The following COL6A3 variants were observed in gnomAD, a reference collection of about 807,000 sequenced individuals.
COL6A3 encodes the protein collagen alpha-3(VI) chain.
Under a neutral mutation model 274.1 loss-of-function variants are expected in COL6A3, and 137 were observed. The ratio of observed to expected loss-of-function variants is 0.50; its 90% CI spans 0.44 to 0.58. The LOEUF is 0.58. Among genes scored for constraint, COL6A3 ranks in the 20% least tolerant of loss-of-function variants. The pLI is 0.00. For synonymous variants in COL6A3, 1,650 were observed against 1,650.6 expected (o/e 1.00, Z 0.01); for missense variants, 3,950 against 4,124.9 (o/e 0.96, Z 1.16).
intron 1 of COL6A3, among the ~76,000 whole-genome samples, chr2:237,410,298 TTC>T (rs965452093): frequency 1.8e-4 from 27 of 148,140 alleles, no homozygotes; most frequent in Non-Finnish European, 1.8e-4. Flanking sequence ...AAAATTTCTT[TTC>T]TTTTTTTTTT....
At position 237,414,094 on chromosome 2, in the gene COL6A3, G is replaced by A. The variant is rs768397871; in HGVS notation, c.-172C>T. 2 of 152,126 alleles carry A rather than the reference G, an allele frequency of 1.3e-5. No homozygotes were observed. The highest frequency in any genetic ancestry group is 2.9e-5 in the Non-Finnish European group (2 of 68,040). The allele number at this position is 152,126 out of a possible 1,614,324, so 9.4% of individuals were successfully genotyped here. A position where few individuals can be genotyped will look rare whatever the true frequency, so the allele number is the denominator to read the frequency against. ...CAAAAAAGTGGAGACTCAGAGCTGC[G>A]GAGGAAAACTCTTGCAGTCCTTGCA... On this transcript the variant is annotated 5_prime_UTR_variant, in exon 1 of 44. Transcript: ENST00000295550.
chr2:237,369,306 A>G, intron 9 of COL6A3, 129 bp from the exon 10 acceptor site: 18 of 1,286,206 alleles, frequency 1.4e-5, no homozygotes, highest in Non-Finnish European at 1.8e-5. Flanking sequence ...TGTTGTTTGT[A>G]TCTCGGGCTT....
chr2:237,340,578 T>C lies in COL6A3; in HGVS notation c.8338A>G (p.Ile2780Val), dbSNP rs2076965381. The C allele has an allele frequency of 6.2e-7, 1 of 1,614,102 alleles. No homozygotes were observed. The highest frequency in any genetic ancestry group is 1.7e-5 in the Admixed American group (1 of 60,010). The change falls in exon 38 of 44, where the codon ATC (isoleucine) becomes GTC (valine). Residue 2780 changes from isoleucine (I) to valine (V), a missense_variant. Ile to Val is a conservative substitution (Grantham distance 29, BLOSUM62 3). This residue lies in a region of COL6A3 where 1,284 missense variants were observed against 1,349.7 expected (regional missense o/e 0.95). Transcript: ENST00000295550. ...CTGGCGAAGGTGTATACCTCCTTGA[T>C]GTTCACCTTCCTGCCAATGCCCAGG... ...VVLGIGRKVN[I>V]KEVYTFASEP... is the part of the protein sequence containing the mutation.
At position 237,364,823 on chromosome 2, in the gene COL6A3, GCA is replaced by G. The variant is rs2077513798; in HGVS notation, c.5839-397_5839-396del. 7.4e-6 allele frequency among the ~76,000 whole-genome samples: 1 copy of G among 135,068 alleles called. No individual in the cohort carries two copies. Among genetic ancestry groups the G allele is most frequent in the African/African-American group, 2.6e-5 (1 of 38,180 alleles). The allele number at this position is 135,068 out of a possible 152,430, so 88.6% of individuals were successfully genotyped here. ...TGTGCATGTGTGTGCACGTGTGTGT[GCA>G]TGTGTGGGTGTGTGGGTGTACATGT... On this transcript the variant is annotated intron_variant, in intron 12 of 43. Transcript: ENST00000295550. This position sits in a 1 kb window ranked among gnomAD's most constrained non-coding sequence, Gnocchi z 4.6.
At chr2:237,366,548 C>G (rs776850675) in intron 11 of COL6A3, 139 bp downstream of exon 11, 1 of 1,254,496 alleles carries the variant, frequency 8.0e-7, no homozygotes, top group Non-Finnish European at 1.2e-6. Context: ...GTGTCAGGAC[C>G]AGTCCCAGTG....
rs766947740 is a variant in COL6A3 at position 237,341,136 on chromosome 2, C to T, written c.7780G>A (p.Asp2594Asn). The change falls in exon 38 of 44, where the codon GAC becomes AAC. Residue 2594 changes from aspartate to asparagine, a missense_variant. Asp to Asn is a conservative substitution (Grantham distance 23, BLOSUM62 1). Coordinates refer to ENST00000295550, the MANE Select transcript of COL6A3 (RefSeq NM_004369.4). ...CAACTGCCAAATCCACAGGATGGGTCGATGTTGCAGATGTCTAGAAAGAAG... is the reference window on the plus strand; with the variant it reads ...CAACTGCCAAATCCACAGGATGGGTTGATGTTGCAGATGTCTAGAAAGAAG... ...CHVCLDICNI[D>N]PSCGFGSWRP... 4.3e-6 allele frequency: 7 copies of T among 1,613,980 alleles called. No individual in the cohort carries two copies. The highest frequency in any genetic ancestry group is 3.3e-5 in the Admixed American group (2 of 60,010).
intron 4 of COL6A3, among the ~76,000 whole-genome samples, chr2:237,383,034 A>C (rs990284221): frequency 6.6e-6 from 1 of 152,154 alleles, no homozygotes; most frequent in African/African-American, 2.4e-5. Flanking sequence ...CCTGACCTTG[A>C]GTGATCCACC....
In COL6A3 at chr2:237,365,886, T is replaced by C. The variant is rs1352843236; in HGVS notation, c.5650A>G (p.Thr1884Ala). 5.0e-6 allele frequency: 8 copies of C among 1,614,006 alleles called. No individual in the cohort carries two copies. The highest frequency in any genetic ancestry group is 6.8e-6 in the Non-Finnish European group (8 of 1,180,034). Residue 1884 changes from threonine (T) to alanine (A), a missense_variant, in exon 12 of 44, where the codon ACC becomes GCC. Thr to Ala is a moderately conservative substitution (Grantham distance 58, BLOSUM62 0). Transcript: ENST00000295550. ...RVSCSGGRSP[T>A]VRVSVVANTP... ...TTGGCCACCACTGACACACGCACGG[T>C]GGGCGAGCGGCCACCGCTGCAGCTG...
chr2:237,362,868 A>G (rs2077468374), intron 14 of COL6A3, among the ~76,000 whole-genome samples: 1 of 152,146 alleles, frequency 6.6e-6, no homozygotes. Context: ...CTTTTCCTGC[A>G]TGTTGTTTTT....
At position 237,377,036 on chromosome 2, in the gene COL6A3, T is replaced by G. The variant is rs1409550399; in HGVS notation, c.2806A>C (p.Ile936Leu). Residue 936 changes from isoleucine (I) to leucine (L), a missense_variant, in exon 7 of 44, where the codon ATC (isoleucine) becomes CTC (leucine). Transcript: ENST00000295550. ...YIFVKSAGSR[I>L]EDGVLQFLVL... The stretch of plus-strand genomic sequence containing the variant: ...AGGAACTGAAGCACTCCATCCTCGA[T>G]CCGGCTGCCAGCAGACTTCACAAAA... The G allele has an allele frequency of 6.2e-7, 1 of 1,614,194 alleles. No individual in the cohort carries two copies. The highest frequency in any genetic ancestry group is 8.5e-7 in the Non-Finnish European group (1 of 1,180,034).
chr2:237,391,410 C>T (rs2078283588), intron 3 of COL6A3, among the ~76,000 whole-genome samples: 1 of 152,180 alleles, frequency 6.6e-6, no homozygotes, highest in Non-Finnish European at 1.5e-5. Context: ...TTGTCCATTA[C>T]ATAATGGTTA....
At position 237,381,367 on chromosome 2, in the gene COL6A3, A is replaced by G; in HGVS notation, c.1445T>C (p.Ile482Thr). The G allele has an allele frequency of 2.5e-6, 4 of 1,614,196 alleles. No individual in the cohort carries two copies. The highest frequency in any genetic ancestry group is 3.4e-6 in the Non-Finnish European group (4 of 1,180,038). The change falls in exon 5 of 44, where the codon ATC becomes ACC. Residue 482 changes from isoleucine (I) to threonine (T), a missense_variant. Ile to Thr is a moderately conservative substitution (Grantham distance 89, BLOSUM62 -1). This residue lies in a region of COL6A3 where 1,934 missense variants were observed against 1,984.3 expected (regional missense o/e 0.97). Coordinates refer to ENST00000295550, the MANE Select transcript of COL6A3 (RefSeq NM_004369.4). ...IQRLEIGQDL[I>T]QVAVAQYADT... is the part of the protein sequence containing the mutation. ...TGCATACTGGGCCACTGCCACCTGGATAAGATCCTGTCCGATTTCCAGCCT... is the reference window on the plus strand; with the variant it reads ...TGCATACTGGGCCACTGCCACCTGGGTAAGATCCTGTCCGATTTCCAGCCT...
chr2:237,363,481 G>T, intron 13 of COL6A3, 83 bp from the exon 14 acceptor site: 1 of 1,491,226 alleles, frequency 6.7e-7, no homozygotes, highest in Non-Finnish European at 9.3e-7. Context: ...CATTTTTAAA[G>T]AAAACTTCAG....
At chr2:237,394,360 A>G (rs954416351) in intron 3 of COL6A3, among the ~76,000 whole-genome samples, 2 of 152,194 alleles carry the variant, frequency 1.3e-5, no homozygotes, top group African/African-American at 4.8e-5. Flanking sequence ...TAGACTGAAA[A>G]TATTAGTTGT....
chr2:237,369,052 T>G lies in COL6A3; in HGVS notation c.4411A>C (p.Ser1471Arg), dbSNP rs150321587. 5.2e-5 allele frequency: 84 copies of G among 1,614,096 alleles called. No homozygotes were observed. The highest frequency in any genetic ancestry group is 6.9e-5 in the Non-Finnish European group (81 of 1,180,046). Residue 1471 changes from serine to arginine, a missense_variant, in exon 10 of 44, where the codon AGT (serine) becomes CGT (arginine). Transcript: ENST00000295550. ...TGCACGACCCCAACTCTCACTTTAC[T>G]GGGGCCGATGTTGAGTCTTCGAACA... ...RIVRRLNIGP[S>R]KVRVGVVQFS...
In COL6A3 at chr2:237,366,765, G is replaced by A. The variant is rs1206442710; in HGVS notation, c.5422C>T (p.Leu1808=). 2.5e-6 allele frequency: 4 copies of A among 1,614,158 alleles called. No individual in the cohort carries two copies. The highest frequency in any genetic ancestry group is 3.3e-5 in the Admixed American group (2 of 60,016). The change falls in exon 11 of 44, where the codon CTG becomes TTG. Residue 1808 remains leucine (L), a synonymous_variant. Coordinates refer to ENST00000295550, the MANE Select transcript of COL6A3 (RefSeq NM_004369.4). Reference sequence around the variant, plus strand: ...AAAGTTTCCAAAACTTGCTCGCTCAGTTCGGACAGCTCCTGGACGTTGCCC... The same window carrying A: ...AAAGTTTCCAAAACTTGCTCGCTCAATTCGGACAGCTCCTGGACGTTGCCC... ...RVGNVQELSE[L]SEQVLETLHD...
Position 237,371,233 on chromosome 2 carries a change from T to C in COL6A3, c.4285+499A>G, listed in dbSNP as rs535339964. On this transcript the variant is annotated intron_variant, in intron 9 of 43. Coordinates refer to ENST00000295550, the MANE Select transcript of COL6A3 (RefSeq NM_004369.4). The surrounding 1 kb of genome is among the most constrained non-coding windows in gnomAD (Gnocchi z 4.3). ...TGCCACGGTATGCATTCTCCCTGGA[T>C]GCCATGAGCAATAGACCCAACTTGT... Among the ~76,000 whole-genome samples the C allele has an allele frequency of 2.0e-5, 3 of 152,154 alleles. 1 individual carries two copies. Among genetic ancestry groups the C allele is most frequent in the Middle Eastern group, 6.3e-3 (2 of 316 alleles).
Position 237,368,691 on chromosome 2 carries a change from C to A in COL6A3, c.4772G>T (p.Arg1591Ile), listed in dbSNP as rs770825071. 1 of 1,614,030 alleles carries A rather than the reference C, an allele frequency of 6.2e-7. No homozygotes were observed. The highest frequency in any genetic ancestry group is 8.5e-7 in the Non-Finnish European group (1 of 1,180,034). The change falls in exon 10 of 44, where the codon AGA (arginine) becomes ATA (isoleucine). Residue 1591 changes from arginine (R) to isoleucine (I), a missense_variant. Physicochemically the swap from Arg to Ile is moderately conservative, Grantham distance 97. Around this residue, in one of 5 missense-constraint regions of COL6A3, gnomAD observed 632 missense variants for 623.4 expected, o/e 1.01. Coordinates refer to ENST00000295550, the MANE Select transcript of COL6A3 (RefSeq NM_004369.4). The surrounding 1 kb of genome is among the most constrained non-coding windows in gnomAD (Gnocchi z 4.4). Reference sequence around the variant, plus strand: ...GAACTCTCGCACTGTGAAGACCAGTCTGGGGTCATTGGTGATGGTCTGCAG... The same window carrying A: ...GAACTCTCGCACTGTGAAGACCAGTATGGGGTCATTGGTGATGGTCTGCAG... The part of the protein sequence containing the change: ...TELQTITNDP[R>I]LVFTVREFRE...
intron 39 of COL6A3, among the ~76,000 whole-genome samples, chr2:237,338,444 C>T (rs922665335): frequency 6.6e-6 from 1 of 152,206 alleles, no homozygotes; most frequent in Non-Finnish European, 1.5e-5. Context: ...ACAAAAATTG[C>T]TAACCCACAG....
Sources: allele counts gnomAD v4.1 joint callset (sites outside exome capture counted in the v4.1 genomes callset), GRCh38; gene constraint gnomAD v4.1.1; regional missense constraint gnomAD v4.1.1; non-coding constraint Gnocchi (gnomAD v3.1); transcripts MANE v1.5; gene names NCBI Gene and HGNC (gene_info 2026-07-23, HGNC 2026-07-21).